The following CDH11 variants were observed in gnomAD, a reference collection of about 807,000 sequenced individuals.
CDH11 encodes cadherin 11.
Under a neutral mutation model 67.8 loss-of-function variants are expected in CDH11, and 11 were observed. The observed-to-expected ratio is 0.16, with a 90% CI of 0.10 to 0.27. The LOEUF is 0.27. CDH11 is among the 10% of genes least tolerant of loss of function. CDH11 has a pLI of 1.00. For synonymous variants in CDH11, 419 were observed against 400.0 expected (o/e 1.05, Z -0.57); for missense variants, 847 against 1,031.2 (o/e 0.82, Z 2.45).
intron 2 of CDH11, among the ~76,000 whole-genome samples, chr16:65,040,678 C>T (rs2142663532): frequency 6.6e-6 from 1 of 152,254 alleles, no homozygotes; most frequent in East Asian, 1.9e-4. Context: ...GCACGTTGTG[C>T]ACATGTACCC....
chr16:65,099,262 G>A (rs2142851654), intron 1 of CDH11, among the ~76,000 whole-genome samples: 1 of 152,248 alleles, frequency 6.6e-6, no homozygotes, highest in Middle Eastern at 3.4e-3. Flanking sequence ...TAAAAAAACA[G>A]GGAAGGTCTA....
intron 1 of CDH11, among the ~76,000 whole-genome samples, chr16:65,073,721 A>G (rs1244082353): frequency 6.6e-6 from 1 of 152,072 alleles, no homozygotes; most frequent in Non-Finnish European, 1.5e-5. Context: ...CTTTCTTCAG[A>G]GTGTGCTTCT....
intron 1 of CDH11, among the ~76,000 whole-genome samples, chr16:65,100,796 A>G (rs1244950711): frequency 6.6e-6 from 1 of 152,030 alleles, no homozygotes. Context: ...GAATTTGAGG[A>G]AACTGGAGTA....
chr16:64,949,536 C>G (rs1402278408), intron 12 of CDH11, among the ~76,000 whole-genome samples: 3 of 151,358 alleles, frequency 2.0e-5, no homozygotes, highest in Non-Finnish European at 2.9e-5. Flanking sequence ...AAGCGATTCT[C>G]CTGCCTCAGC....
At chr16:65,100,265 C>T (rs2074967335) in intron 1 of CDH11, among the ~76,000 whole-genome samples, 3 of 151,888 alleles carry the variant, frequency 2.0e-5, no homozygotes, top group Admixed American at 1.3e-4. Flanking sequence ...TAGTTAGTGA[C>T]AGGATGTTGA....
At chr16:64,954,716 G>C (rs564402303) in intron 11 of CDH11, among the ~76,000 whole-genome samples, 1 of 152,206 alleles carries the variant, frequency 6.6e-6, no homozygotes, top group East Asian at 1.9e-4. Flanking sequence ...AGGACCAATG[G>C]GAGTGCGAGC....
chr16:65,121,776 T>A lies in CDH11; in HGVS notation c.-298+104A>T. 3 of 673,936 alleles carry A rather than the reference T, an allele frequency of 4.5e-6. No homozygotes were observed. The highest frequency in any genetic ancestry group is 2.8e-5 in the East Asian group (1 of 35,124). 41.7% of individuals were successfully genotyped at this position (673,936 alleles called of 1,614,324 possible). A position where few individuals can be genotyped will look rare whatever the true frequency, so the allele number is the denominator to read the frequency against. Reference sequence around the variant, plus strand: ...CTCGACTCAGATACCACCGTCCCCCTCACCACCCCGCCCCGCCAAGACATT... The same window carrying A: ...CTCGACTCAGATACCACCGTCCCCCACACCACCCCGCCCCGCCAAGACATT... On this transcript the variant is annotated intron_variant, in intron 1 of 12. Coordinates refer to ENST00000268603, the MANE Select transcript of CDH11 (RefSeq NM_001797.4). This position sits in a 1 kb window ranked among gnomAD's most constrained non-coding sequence, Gnocchi z 4.1.
chr16:64,945,301 T>TAAAAAAAAAAAAAAAAAAAAAAAA lies in CDH11; in HGVS notation c.*2301_*2302insTTTTTTTTTTTTTTTTTTTTTTTT. ...AGAGGCTTAACGAAAAAATAAAAGGTAAAAAAAAAAAAAAAAAAGAAAAAG... is the reference window on the plus strand; with the variant it reads ...AGAGGCTTAACGAAAAAATAAAAGGTAAAAAAAAAAAAAAAAAAAAAAAAAAAAAAAAAAAAAAAAAAGAAAAAG... On this transcript the variant is annotated 3_prime_UTR_variant, in exon 13 of 13. Coordinates refer to ENST00000268603, the MANE Select transcript of CDH11 (RefSeq NM_001797.4). The TAAAAAAAAAAAAAAAAAAAAAAAA allele has an allele frequency of 2.7e-6, 1 of 371,902 alleles. No individual in the cohort carries two copies. The highest frequency in any genetic ancestry group is 3.6e-6 in the Non-Finnish European group (1 of 276,544). 23.0% of individuals were successfully genotyped at this position (371,902 alleles called of 1,614,324 possible). A position where few individuals can be genotyped will look rare whatever the true frequency, so the allele number is the denominator to read the frequency against.
rs754156700 is a variant in CDH11, at chr16:65,004,763, T to C, written c.107A>G (p.His36Arg). 23 of 1,610,896 alleles carry C rather than the reference T, an allele frequency of 1.4e-5. No homozygotes were observed. Among genetic ancestry groups the C allele is most frequent in the Non-Finnish European group, 1.9e-5 (22 of 1,178,634 alleles). Residue 36 changes from histidine (H) to arginine (R), a missense_variant, in exon 3 of 13, where the codon CAT (histidine) becomes CGT (arginine). This residue lies in a region of CDH11 where 235 missense variants were observed against 352.5 expected (regional missense o/e 0.67). Transcript: ENST00000268603. ...CTCCTTGCCCTTCTCATGGTGCCCA[T>C]GGAAGGAGGGCCGCAGGTGCCCCCG... The part of the protein sequence containing the change: ...ERRGHLRPSF[H>R]GHHEKGKEGQ...
chr16:65,107,361 A>C (rs2142872296), intron 1 of CDH11, among the ~76,000 whole-genome samples: 1 of 152,328 alleles, frequency 6.6e-6, no homozygotes, highest in East Asian at 1.9e-4. Flanking sequence ...TGCTGAACGC[A>C]GTGTGTGCAT....
At chr16:64,998,968 G>A in intron 3 of CDH11, 112 bp from the exon 4 acceptor site, 2 of 869,742 alleles carry the variant, frequency 2.3e-6, no homozygotes, top group Non-Finnish European at 3.6e-6. Context: ...ATGAAAGGGA[G>A]ATGTTCTCAT....
intron 1 of CDH11, among the ~76,000 whole-genome samples, chr16:65,111,369 T>C (rs376373417): frequency 6.2e-4 from 95 of 152,274 alleles, no homozygotes; most frequent in African/African-American, 2.2e-3. Context: ...GTTAGTGACA[T>C]GGTCACGCCT....
intron 2 of CDH11, among the ~76,000 whole-genome samples, chr16:65,008,719 C>G (rs2073114584): frequency 6.6e-6 from 1 of 152,106 alleles, no homozygotes; most frequent in South Asian, 2.1e-4. Flanking sequence ...AGTAAACAAT[C>G]ACAACTCTTG....
intron 2 of CDH11, among the ~76,000 whole-genome samples, chr16:65,025,505 G>A (rs1448623472): frequency 6.6e-6 from 1 of 152,080 alleles, no homozygotes; most frequent in Non-Finnish European, 1.5e-5. Context: ...ACCACACCCA[G>A]CTAATTTTTG....
intron 1 of CDH11, chr16:65,118,786 T>G (rs2075282678): frequency 6.6e-6 from 1 of 152,232 alleles, no homozygotes; most frequent in Non-Finnish European, 1.5e-5. Flanking sequence ...TCCACTGTTT[T>G]ATTATTATTG....
At chr16:65,058,155 G>A (rs762206514) in intron 1 of CDH11, among the ~76,000 whole-genome samples, 2 of 152,108 alleles carry the variant, frequency 1.3e-5, no homozygotes, top group African/African-American at 2.4e-5. Context: ...CTGGGGGATC[G>A]AGGCTGCAGT....
intron 11 of CDH11, among the ~76,000 whole-genome samples, chr16:64,951,540 T>A (rs2071361531): frequency 6.6e-6 from 1 of 152,054 alleles, no homozygotes; most frequent in African/African-American, 2.4e-5. Flanking sequence ...GGAAATTCCC[T>A]TTAAAGGCAA....
chr16:65,010,427 A>G (rs1017967586), intron 2 of CDH11, among the ~76,000 whole-genome samples: 3 of 152,108 alleles, frequency 2.0e-5, no homozygotes, highest in African/African-American at 7.2e-5. Context: ...AATCACAGAG[A>G]ATAGGGGAGA....
intron 1 of CDH11, among the ~76,000 whole-genome samples, chr16:65,099,133 C>T (rs945498456): frequency 6.6e-6 from 1 of 152,048 alleles, no homozygotes; most frequent in African/African-American, 2.4e-5. Context: ...TCTAAGTCTT[C>T]TGGAATCCAT....
Sources: gnomAD v4.1 joint callset for allele counts (sites outside exome capture counted in the v4.1 genomes callset) on GRCh38, gnomAD v4.1.1 for gene constraint, gnomAD v4.1.1 regional missense constraint, Gnocchi (gnomAD v3.1) non-coding constraint, MANE v1.5 for transcripts, NCBI Gene and HGNC (gene_info 2026-07-23, HGNC 2026-07-21) for gene names.